Variants in HBS1L observed in about 807,000 individuals in gnomAD.
HBS1L encodes HBS1-like protein.
HBS1L carries 55 observed loss-of-function variants against 88.9 expected under a neutral mutation model. The ratio of observed to expected loss-of-function variants is 0.62; its 90% CI spans 0.50 to 0.77. The LOEUF is 0.77. Among genes scored for constraint, HBS1L ranks in the 30% least tolerant of loss-of-function variants. The pLI, the probability that HBS1L is intolerant of heterozygous loss-of-function variation, is 0.00. For synonymous variants in HBS1L, 267 were observed against 288.5 expected, an observed-to-expected ratio of 0.93 and a Z score of 0.76; for missense variants, 741 against 829.3, an observed-to-expected ratio of 0.89 and a Z score of 1.31.
At chr6:134,966,829 G>T in intron 16 of HBS1L, among the ~76,000 whole-genome samples, 1 of 149,518 alleles carries the variant, frequency 6.7e-6, no homozygotes, top group Non-Finnish European at 1.5e-5. Context: ...ATCTAATAAA[G>T]AAAGTTATAC....
intron 10 of HBS1L, among the ~76,000 whole-genome samples, 159 bp downstream of exon 10, chr6:134,986,577 A>G (rs965455484): frequency 6.6e-6 from 1 of 152,118 alleles, no homozygotes; most frequent in Admixed American, 6.6e-5. Flanking sequence ...TCTAAGTTGA[A>G]ATAATCCAAA....
intron 13 of HBS1L, among the ~76,000 whole-genome samples, chr6:134,981,299 A>G (rs1437279738): frequency 6.6e-6 from 1 of 152,072 alleles, no homozygotes. Flanking sequence ...CTTGCACACA[A>G]TGAACAGATC....
rs755674966 is a variant in HBS1L at position 135,054,636 on chromosome 6, C to A, written c.43+13G>T. On this transcript the variant is annotated intron_variant, in intron 1 of 17. Transcript: ENST00000367837. ...CCGGGAAAAGAACGTCCCGGCATGA[C>A]CCTGCCACCTACCTTCATCGTAGTT... 5.6e-6 allele frequency: 9 copies of A among 1,614,050 alleles called. No homozygotes were observed. The African/African-American group carries it at 6.7e-5, about 12-fold the overall frequency.
chr6:135,001,984 T>C (rs1162226403), intron 5 of HBS1L, among the ~76,000 whole-genome samples: 1 of 151,842 alleles, frequency 6.6e-6, no homozygotes, highest in Non-Finnish European at 1.5e-5. Context: ...TAAAAATCTA[T>C]TGTTTATAGT....
intron 15 of HBS1L, among the ~76,000 whole-genome samples, chr6:134,969,842 G>T (rs1774430931): frequency 6.6e-6 from 1 of 152,122 alleles, no homozygotes; most frequent in South Asian, 2.1e-4. Flanking sequence ...CACAGTGCTT[G>T]CCATGGTAGA....
chr6:135,036,574 G>C, intron 4 of HBS1L: 1 of 1,493,234 alleles, frequency 6.7e-7, no homozygotes. Flanking sequence ...TCTAGTAAAT[G>C]CTTTTTTTTG....
chr6:135,023,012 T>C (rs928139781), intron 4 of HBS1L, among the ~76,000 whole-genome samples: 1 of 151,198 alleles, frequency 6.6e-6, no homozygotes, highest in Non-Finnish European at 1.5e-5. Flanking sequence ...TGATGATATC[T>C]AAGAGAAAGA....
chr6:135,002,499 T>C (rs1001971280), intron 5 of HBS1L: 1 of 286,902 alleles, frequency 3.5e-6, no homozygotes, highest in Admixed American at 4.6e-5. Flanking sequence ...CTATAAAATA[T>C]TTATGTAAGA....
chr6:135,012,309 A>G (rs1775799236), intron 4 of HBS1L, among the ~76,000 whole-genome samples: 1 of 152,214 alleles, frequency 6.6e-6, no homozygotes, highest in South Asian at 2.1e-4. Context: ...CAATGGTCCT[A>G]TATCATATCA....
chr6:135,041,401 TATAAAA>T (rs1562314915), intron 3 of HBS1L, among the ~76,000 whole-genome samples: 1 of 151,622 alleles, frequency 6.6e-6, no homozygotes, highest in African/African-American at 2.4e-5. Flanking sequence ...TATTTATACT[TATAAAA>T]GAAGAAAGCT....
chr6:134,973,210 T>C lies in HBS1L; in HGVS notation c.1798-3872A>G, dbSNP rs562138676. 2.0e-5 allele frequency among the ~76,000 whole-genome samples: 3 copies of C among 152,326 alleles called. No individual in the cohort carries two copies. The East Asian group carries it at 5.8e-4, about 29-fold the overall frequency. ...AATAACCCAAATGTGCATCAACAGATAAATGGATTTTTAAAAGGTGGTATA... is the reference window on the plus strand; with the variant it reads ...AATAACCCAAATGTGCATCAACAGACAAATGGATTTTTAAAAGGTGGTATA... On this transcript the variant is annotated intron_variant, in intron 15 of 17. Coordinates refer to ENST00000367837, the MANE Select transcript of HBS1L (RefSeq NM_006620.4).
At position 134,982,393 on chromosome 6, in the gene HBS1L, A is replaced by G. The variant is rs117963542; in HGVS notation, c.1597+65T>C. The G allele has an allele frequency of 2.1e-5, 20 of 972,686 alleles. No homozygotes were observed. The South Asian group carries it at 2.7e-4, about 13-fold the overall frequency. The allele number at this position is 972,686 out of a possible 1,614,324, so 60.3% of individuals were successfully genotyped here. A position where few individuals can be genotyped will look rare whatever the true frequency, so the allele number is the denominator to read the frequency against. On this transcript the variant is annotated intron_variant, in intron 13 of 17. Coordinates refer to ENST00000367837, the MANE Select transcript of HBS1L (RefSeq NM_006620.4). ...CTTACTTTGGAGTTGTAACTAAACCACTTTTTAAAAATCTGCTGTCTCAAC... is the reference window on the plus strand; with the variant it reads ...CTTACTTTGGAGTTGTAACTAAACCGCTTTTTAAAAATCTGCTGTCTCAAC...
chr6:134,995,756 T>C (rs1775271545), intron 7 of HBS1L, among the ~76,000 whole-genome samples: 1 of 152,022 alleles, frequency 6.6e-6, no homozygotes, highest in South Asian at 2.1e-4. Context: ...TTTTCCAAAA[T>C]TGGCAACTGT....
chr6:135,010,876 A>T (rs1775755002), intron 4 of HBS1L, among the ~76,000 whole-genome samples: 1 of 152,218 alleles, frequency 6.6e-6, no homozygotes. Flanking sequence ...AGAATAGGGC[A>T]TCTGCAAATA....
Position 135,036,447 on chromosome 6 carries a change from G to A in HBS1L, c.430+3126C>T, listed in dbSNP as rs116493619. On this transcript the variant is annotated intron_variant, in intron 4 of 17. Coordinates refer to ENST00000367837, the MANE Select transcript of HBS1L (RefSeq NM_006620.4). Reference sequence around the variant, plus strand: ...CGTATCAACTAATCAACTGACCTACGACAATTTTCATAAAAATCAGAATTT... The same window carrying A: ...CGTATCAACTAATCAACTGACCTACAACAATTTTCATAAAAATCAGAATTT... 2,298 of 1,357,582 alleles carry A rather than the reference G, an allele frequency of 1.7e-3. 18 individuals are homozygous for A. The African/African-American group carries it at 0.03, about 17-fold the overall frequency. The allele number at this position is 1,357,582 out of a possible 1,614,324, so 84.1% of individuals were successfully genotyped here. A position where few individuals can be genotyped will look rare whatever the true frequency, so the allele number is the denominator to read the frequency against.
chr6:135,002,503 T>C (rs1033282480), intron 5 of HBS1L: 83 of 294,980 alleles, frequency 2.8e-4, no homozygotes, highest in Non-Finnish European at 4.7e-4. Context: ...AAAATATTTA[T>C]GTAAGAAAAC....
chr6:134,970,025 G>C (rs1296944425), intron 15 of HBS1L, among the ~76,000 whole-genome samples: 1 of 152,196 alleles, frequency 6.6e-6, no homozygotes, highest in Non-Finnish European at 1.5e-5. Flanking sequence ...TGTATGATAT[G>C]ATTTATGATT....
intron 4 of HBS1L, among the ~76,000 whole-genome samples, chr6:135,014,875 C>A (rs866280434): frequency 2.4e-3 from 291 of 121,280 alleles, no homozygotes; most frequent in African/African-American, 6.4e-3. Flanking sequence ...AAAAAAAAAA[C>A]CACAAAAAAA....
chr6:135,011,211 T>G (rs1391370132), intron 4 of HBS1L, among the ~76,000 whole-genome samples: 2 of 151,934 alleles, frequency 1.3e-5, no homozygotes, highest in African/African-American at 4.8e-5. Flanking sequence ...ATATACAAAT[T>G]TGTTATAAAA....
Sources: allele counts gnomAD v4.1 joint callset (sites outside exome capture counted in the v4.1 genomes callset), GRCh38; gene constraint gnomAD v4.1.1; transcripts MANE v1.5; gene names NCBI Gene and HGNC (gene_info 2026-07-23, HGNC 2026-07-21).